The following AFF3 variants were observed in gnomAD, a reference collection of about 807,000 sequenced individuals.
The protein encoded by AFF3 is ALF transcription elongation factor 3, also known as AF4/FMR2 family member 3.
A neutral mutation model predicts 129.7 loss-of-function variants in AFF3; 32 were observed. The observed-to-expected ratio is 0.25, with a 90% confidence interval of 0.19 to 0.33. The LOEUF (loss-of-function observed/expected upper bound fraction) is 0.33. AFF3 is among the 10% of genes least tolerant of loss of function. AFF3 has a pLI of 1.00. For synonymous variants in AFF3, 644 were observed against 635.4 expected, an observed-to-expected ratio of 1.01 and a Z score of -0.20; for missense variants, 1,373 against 1,592.0, an observed-to-expected ratio of 0.86 and a Z score of 2.34.
intron 8 of AFF3, among the ~76,000 whole-genome samples, chr2:99,789,810 A>C (rs1299844525): frequency 4.6e-5 from 7 of 152,252 alleles, no homozygotes; most frequent in African/African-American, 1.7e-4. Flanking sequence ...CTTTCAGGAA[A>C]AATAAACATC....
intron 8 of AFF3, among the ~76,000 whole-genome samples, chr2:99,787,897 T>C (rs1488125187): frequency 1.3e-5 from 2 of 152,178 alleles, no homozygotes; most frequent in African/African-American, 2.4e-5. Flanking sequence ...ACAGCATATA[T>C]GAAATCAGAT....
chr2:99,671,100 C>T (rs1687106092), intron 12 of AFF3, among the ~76,000 whole-genome samples: 1 of 152,178 alleles, frequency 6.6e-6, no homozygotes, highest in South Asian at 2.1e-4. Context: ...TTGAAATAGT[C>T]TGTGAACCCT....
chr2:99,855,481 C>A (rs752690038), intron 7 of AFF3, among the ~76,000 whole-genome samples: 2 of 152,120 alleles, frequency 1.3e-5, no homozygotes, highest in South Asian at 4.2e-4. Context: ...AAAAAAAATA[C>A]CTTGATGGAG....
chr2:99,763,487 T>G (rs1362948648), intron 8 of AFF3, among the ~76,000 whole-genome samples: 1 of 152,114 alleles, frequency 6.6e-6, no homozygotes, highest in Non-Finnish European at 1.5e-5. Context: ...ATTCTAGGTT[T>G]CCGTGAACTA....
chr2:99,692,343 T>C lies in AFF3; in HGVS notation c.1092-19754A>G, dbSNP rs182339528. ...GACAGGGAGACAGGAGAGTGGATTC[T>C]GCTCTCCCCCTTCTTCAGCATCACG... is the stretch of plus-strand genomic sequence containing the variant. On this transcript the variant is annotated intron_variant, in intron 11 of 24. Coordinates refer to ENST00000672756, the MANE Select transcript of AFF3 (RefSeq NM_001386135.1). 2.3e-4 allele frequency among the ~76,000 whole-genome samples: 35 copies of C among 152,270 alleles called. No homozygotes were observed. In the East Asian group the frequency reaches 6.6e-3, roughly 29 times the overall value.
intron 7 of AFF3, among the ~76,000 whole-genome samples, chr2:99,887,515 C>T (rs1693203987): frequency 6.6e-6 from 1 of 152,150 alleles, no homozygotes; most frequent in Admixed American, 6.5e-5. Context: ...CACAAAATAT[C>T]ATAGTATTAC....
At chr2:99,628,683 A>C (rs1682830115) in intron 13 of AFF3, among the ~76,000 whole-genome samples, 1 of 144,056 alleles carries the variant, frequency 6.9e-6, no homozygotes, top group Non-Finnish European at 1.5e-5. Flanking sequence ...CAGCCTCCTG[A>C]GTAGCTGGGA....
chr2:99,875,552 G>A (rs1209832097), intron 7 of AFF3, among the ~76,000 whole-genome samples: 3 of 152,146 alleles, frequency 2.0e-5, no homozygotes, highest in Admixed American at 1.3e-4. Context: ...TTGTAGGCAC[G>A]CACTAGATAT....
intron 7 of AFF3, among the ~76,000 whole-genome samples, chr2:99,920,045 T>C (rs1000461336): frequency 6.6e-6 from 1 of 152,124 alleles, no homozygotes; most frequent in Admixed American, 6.6e-5. Context: ...AATAACTCTA[T>C]ATCTGTTTAA....
At chr2:99,915,411 T>C (rs1695408839) in intron 7 of AFF3, among the ~76,000 whole-genome samples, 1 of 152,148 alleles carries the variant, frequency 6.6e-6, no homozygotes, top group South Asian at 2.1e-4. Flanking sequence ...ATAAAAGCCA[T>C]ACAAACCTGG....
chr2:99,634,472 G>A (rs1558674838), intron 13 of AFF3, among the ~76,000 whole-genome samples: 1 of 152,180 alleles, frequency 6.6e-6, no homozygotes, highest in East Asian at 1.9e-4. Context: ...ATTGAGGCAA[G>A]GGAGTTAGAT....
At chr2:99,625,251 T>C (rs1302572559) in intron 13 of AFF3, among the ~76,000 whole-genome samples, 1 of 152,204 alleles carries the variant, frequency 6.6e-6, no homozygotes, top group Non-Finnish European at 1.5e-5. Flanking sequence ...AAAATATCGT[T>C]TGCGTAGGGT....
chr2:100,035,284 T>C (rs1684810624), intron 4 of AFF3, among the ~76,000 whole-genome samples: 1 of 152,212 alleles, frequency 6.6e-6, no homozygotes, highest in Non-Finnish European at 1.5e-5. Flanking sequence ...GCATCCTACA[T>C]GGAGCCTTTT....
intron 7 of AFF3, among the ~76,000 whole-genome samples, chr2:99,955,546 T>G (rs1328744927): frequency 2.0e-5 from 3 of 152,212 alleles, no homozygotes; most frequent in Non-Finnish European, 4.4e-5. Flanking sequence ...TCTGCTATAT[T>G]TGTCATATTT....
At chr2:100,024,588 A>G (rs966649029) in intron 4 of AFF3, among the ~76,000 whole-genome samples, 2 of 151,966 alleles carry the variant, frequency 1.3e-5, no homozygotes, top group African/African-American at 4.8e-5. Flanking sequence ...AGCCTGGGCA[A>G]CAAGAGTGAA....
At chr2:99,891,383 A>T in intron 7 of AFF3, among the ~76,000 whole-genome samples, 1 of 152,174 alleles carries the variant, frequency 6.6e-6, no homozygotes, top group Non-Finnish European at 1.5e-5. Flanking sequence ...CTAGCCTTTC[A>T]GGGTCAGTGA....
At chr2:100,003,109 CG>C (rs1352901304) in intron 7 of AFF3, among the ~76,000 whole-genome samples, 12 of 4,732 alleles carry the variant, frequency 2.5e-3, no homozygotes, top group East Asian at 0.015. Flanking sequence ...AGTTGGGGGT[CG>C]GGGGGGTGGG....
At chr2:100,083,473 G>T (rs1277844802) in intron 4 of AFF3, among the ~76,000 whole-genome samples, 2 of 152,120 alleles carry the variant, frequency 1.3e-5, no homozygotes, top group Non-Finnish European at 2.9e-5. Context: ...CACAATCACC[G>T]CACTTCTGCC....
intron 13 of AFF3, among the ~76,000 whole-genome samples, chr2:99,642,609 T>C (rs376375429): frequency 6.6e-6 from 1 of 152,250 alleles, no homozygotes; most frequent in Non-Finnish European, 1.5e-5. Flanking sequence ...TGCCAGGTAC[T>C]GTGCTAGGTG....
Sources: allele counts gnomAD v4.1 joint callset (sites outside exome capture counted in the v4.1 genomes callset), GRCh38; gene constraint gnomAD v4.1.1; transcripts MANE v1.5; gene names NCBI Gene and HGNC (gene_info 2026-07-23, HGNC 2026-07-21).